LHFPL6: variants seen among roughly 807,000 people sequenced by gnomAD.
LHFPL6 encodes LHFPL tetraspan subfamily member 6 protein.
In LHFPL6, 9 loss-of-function variants were observed where a neutral mutation model predicts 20.6. The observed-to-expected ratio is 0.44, with a 90% CI of 0.26 to 0.76. LHFPL6 has a LOEUF of 0.76. Among genes scored for constraint, LHFPL6 ranks in the 30% least tolerant of loss-of-function variants. LHFPL6 has a pLI of 0.20. For synonymous variants in LHFPL6, 105 were observed against 98.7 expected (o/e 1.06, Z -0.38); for missense variants, 218 against 253.5 (o/e 0.86, Z 0.95).
chr13:39,478,791 G>C (rs1868395614), intron 2 of LHFPL6, among the ~76,000 whole-genome samples: 1 of 152,072 alleles, frequency 6.6e-6, no homozygotes. Context: ...GGATTTACAT[G>C]ATCAACTCCC....
chr13:39,512,077 T>C (rs898697049), intron 2 of LHFPL6, among the ~76,000 whole-genome samples: 4 of 152,226 alleles, frequency 2.6e-5, no homozygotes, highest in African/African-American at 9.7e-5. Flanking sequence ...GGGTTTTTAA[T>C]ACTTTATTTG....
chr13:39,583,391 T>G (rs1251440383), intron 2 of LHFPL6, among the ~76,000 whole-genome samples: 4 of 152,062 alleles, frequency 2.6e-5, no homozygotes, highest in East Asian at 3.9e-4. Flanking sequence ...CCCAGGCTGG[T>G]CTTGAACTCC....
At chr13:39,411,441 T>C (rs928903650) in intron 2 of LHFPL6, among the ~76,000 whole-genome samples, 8 of 152,270 alleles carry the variant, frequency 5.3e-5, no homozygotes, top group African/African-American at 1.7e-4. Context: ...AGTGAGGTGC[T>C]TTTTGAAATG....
chr13:39,551,931 G>A (rs1168795743), intron 2 of LHFPL6, among the ~76,000 whole-genome samples: 1 of 152,090 alleles, frequency 6.6e-6, no homozygotes, highest in East Asian at 1.9e-4. Flanking sequence ...CATATTAATA[G>A]CCCTCTGTAT....
At chr13:39,374,699 A>G (rs1327216207) in intron 3 of LHFPL6, among the ~76,000 whole-genome samples, 1 of 152,214 alleles carries the variant, frequency 6.6e-6, no homozygotes, top group South Asian at 2.1e-4. Flanking sequence ...ACTAGTGTGG[A>G]ATAATGTCAG....
intron 2 of LHFPL6, among the ~76,000 whole-genome samples, chr13:39,396,331 G>A (rs1870841415): frequency 6.6e-6 from 1 of 152,138 alleles, no homozygotes; most frequent in South Asian, 2.1e-4. Context: ...GGTGTTATTG[G>A]CTAAACTGCA....
At chr13:39,417,324 A>G (rs1310144078) in intron 2 of LHFPL6, among the ~76,000 whole-genome samples, 1 of 152,218 alleles carries the variant, frequency 6.6e-6, no homozygotes, top group Non-Finnish European at 1.5e-5. Context: ...CAGAGGCTAA[A>G]TTAGGTCACA....
At chr13:39,560,785 G>A (rs577789978) in intron 2 of LHFPL6, among the ~76,000 whole-genome samples, 34 of 152,196 alleles carry the variant, frequency 2.2e-4, no homozygotes, top group African/African-American at 7.9e-4. Flanking sequence ...AAAGTGCTAG[G>A]ATTACAGGCG....
At chr13:39,479,007 T>G (rs184041241) in intron 2 of LHFPL6, among the ~76,000 whole-genome samples, 1 of 150,920 alleles carries the variant, frequency 6.6e-6, no homozygotes, top group East Asian at 1.9e-4. Context: ...CTTTATTATA[T>G]ATAATGAAGC....
chr13:39,478,400 TG>T (rs1299264623), intron 2 of LHFPL6, among the ~76,000 whole-genome samples: 1 of 152,170 alleles, frequency 6.6e-6, no homozygotes, highest in Non-Finnish European at 1.5e-5. Flanking sequence ...AAGCTAGACA[TG>T]AGCACACAAA....
chr13:39,549,467 A>T (rs1871084924), intron 2 of LHFPL6, among the ~76,000 whole-genome samples: 1 of 152,142 alleles, frequency 6.6e-6, no homozygotes, highest in Non-Finnish European at 1.5e-5. Flanking sequence ...CCACAATGAA[A>T]TACCATTATA....
intron 2 of LHFPL6, among the ~76,000 whole-genome samples, chr13:39,533,597 G>A (rs1870530971): frequency 6.6e-6 from 1 of 152,148 alleles, no homozygotes; most frequent in Non-Finnish European, 1.5e-5. Context: ...ACTCATCTCT[G>A]CTACCACATC....
chr13:39,457,677 G>C (rs936461412), intron 2 of LHFPL6, among the ~76,000 whole-genome samples: 1 of 152,310 alleles, frequency 6.6e-6, no homozygotes, highest in African/African-American at 2.4e-5. Context: ...GGTAAAGGGA[G>C]AAGGTGACTT....
At chr13:39,555,788 G>A (rs1871286366) in intron 2 of LHFPL6, among the ~76,000 whole-genome samples, 1 of 151,992 alleles carries the variant, frequency 6.6e-6, no homozygotes, top group Non-Finnish European at 1.5e-5. Context: ...AATTAATAAG[G>A]ACATTCCATC....
chr13:39,355,882 T>C (rs916185815), intron 3 of LHFPL6, among the ~76,000 whole-genome samples: 6 of 152,164 alleles, frequency 3.9e-5, no homozygotes, highest in Non-Finnish European at 8.8e-5. Context: ...CCTCGATTAA[T>C]AGAAGAAGCA....
At chr13:39,384,528 T>C (rs1020007700) in intron 2 of LHFPL6, among the ~76,000 whole-genome samples, 1 of 152,228 alleles carries the variant, frequency 6.6e-6, no homozygotes, top group African/African-American at 2.4e-5. Flanking sequence ...TCTTAGCCCA[T>C]GTTGTGGAAA....
chr13:39,593,481 A>G (rs1329558107), intron 2 of LHFPL6, among the ~76,000 whole-genome samples: 6 of 152,074 alleles, frequency 3.9e-5, no homozygotes, highest in Non-Finnish European at 1.5e-5. Context: ...AAACAAATGG[A>G]AGAACATTCC....
At chr13:39,425,956 C>T (rs938966365) in intron 2 of LHFPL6, among the ~76,000 whole-genome samples, 1 of 152,050 alleles carries the variant, frequency 6.6e-6, no homozygotes, top group Admixed American at 6.5e-5. Context: ...GCTACCATGG[C>T]CCACTGTCTT....
intron 2 of LHFPL6, 99 bp from the exon 3 acceptor site, chr13:39,378,625 G>A (rs192768325): frequency 2.1e-5 from 18 of 852,668 alleles, no homozygotes; most frequent in African/African-American, 1.0e-4. Context: ...AGACCATAGC[G>A]TCTGCTTTTT....
Sources: allele counts gnomAD v4.1 joint callset (sites outside exome capture counted in the v4.1 genomes callset), GRCh38; gene constraint gnomAD v4.1.1; transcripts MANE v1.5; gene names NCBI Gene and HGNC (gene_info 2026-07-23, HGNC 2026-07-21).